Variants in QSER1 observed in about 807,000 individuals in gnomAD.
QSER1 encodes the protein glutamine and serine-rich protein 1.
In QSER1, 49 loss-of-function variants were observed where a neutral mutation model predicts 158.5. That is an observed-to-expected ratio of 0.31 (90% CI 0.25 to 0.39). The LOEUF is 0.39. QSER1 is among the 10% of genes least tolerant of loss of function. QSER1 has a pLI of 1.00. For missense variants in QSER1, 1,754 were observed against 2,010.3 expected, an observed-to-expected ratio of 0.87 and a Z score of 2.44; for synonymous variants, 650 against 715.5, an observed-to-expected ratio of 0.91 and a Z score of 1.46.
intron 1 of QSER1, among the ~76,000 whole-genome samples, chr11:32,904,295 C>T (rs766738781): frequency 2.8e-4 from 42 of 151,436 alleles, no homozygotes; most frequent in Non-Finnish European, 1.5e-4. Flanking sequence ...CAGGTTCAAG[C>T]GATTCTCCTG....
At chr11:32,905,904 A>G (rs939957927) in intron 1 of QSER1, among the ~76,000 whole-genome samples, 8 of 152,278 alleles carry the variant, frequency 5.3e-5, no homozygotes, top group Non-Finnish European at 1.2e-4. Context: ...AATTTAAAAG[A>G]TAGTAAACTT....
chr11:32,961,627 C>CT (rs1423830067), intron 8 of QSER1, among the ~76,000 whole-genome samples: 4 of 152,152 alleles, frequency 2.6e-5, no homozygotes, highest in African/African-American at 9.7e-5. Context: ...TACTTATTCT[C>CT]TTTTTTCTCT....
Position 32,933,851 on chromosome 11 carries a change from C to G in QSER1, c.2593C>G (p.Leu865Val). 6.2e-7 allele frequency: 1 copy of G among 1,613,412 alleles called. No individual in the cohort carries two copies. Among genetic ancestry groups the G allele is most frequent in the East Asian group, 2.2e-5 (1 of 44,872 alleles). The change falls in exon 4 of 13, where the codon CTT (leucine) becomes GTT (valine). Residue 865 changes from leucine to valine, a missense_variant. This residue lies in a region of QSER1 where 1,707 missense variants were observed against 1,919.6 expected (regional missense o/e 0.89). Transcript: ENST00000650167. ...LLDSACDLQI[L>V]QQSILQAGLG... ...AGATTCTGCCTGTGATTTACAAATT[C>G]TTCAGCAGTCAATACTGCAGGCAGG...
intron 1 of QSER1, among the ~76,000 whole-genome samples, chr11:32,914,470 C>A (rs1851808523): frequency 6.6e-6 from 1 of 152,106 alleles, no homozygotes; most frequent in South Asian, 2.1e-4. Flanking sequence ...AATTATTTAA[C>A]ACAAAAAGAA....
chr11:32,903,029 TA>T (rs1851645159), intron 1 of QSER1, among the ~76,000 whole-genome samples: 1 of 152,170 alleles, frequency 6.6e-6, no homozygotes, highest in South Asian at 2.1e-4. Flanking sequence ...GGTATAGGAT[TA>T]AATAGAATTG....
At position 32,957,850 on chromosome 11, in the gene QSER1, T is replaced by A; in HGVS notation, c.4752-19T>A. ...ACAAGATTTCAGTGTGTTAATGAAGTTTGTTTATAACATTGCAGAACTGTT... is the reference window on the plus strand; with the variant it reads ...ACAAGATTTCAGTGTGTTAATGAAGATTGTTTATAACATTGCAGAACTGTT... On this transcript the variant is annotated intron_variant, in intron 7 of 12. Transcript: ENST00000650167. 1 of 1,583,488 alleles carries A rather than the reference T, an allele frequency of 6.3e-7. No individual in the cohort carries two copies. The highest frequency in any genetic ancestry group is 8.6e-7 in the Non-Finnish European group (1 of 1,160,698).
At chr11:32,900,817 CAT>C (rs1163842014) in intron 1 of QSER1, among the ~76,000 whole-genome samples, 3 of 152,234 alleles carry the variant, frequency 2.0e-5, no homozygotes, top group Non-Finnish European at 4.4e-5. Context: ...TCTTTCCCCA[CAT>C]GTTACCTTCT....
chr11:32,905,121 A>G lies in QSER1; in HGVS notation c.209+11787A>G, dbSNP rs148902534. On this transcript the variant is annotated intron_variant, in intron 1 of 12. Transcript: ENST00000650167. ...GGATCCTGACCGTGTAGCTTGTCCTATGTTGCTAGGCATGTAGGCATTTAT... is the reference window on the plus strand; with the variant it reads ...GGATCCTGACCGTGTAGCTTGTCCTGTGTTGCTAGGCATGTAGGCATTTAT... Among the ~76,000 whole-genome samples the G allele has an allele frequency of 1.2e-4, 19 of 152,322 alleles. No individual in the cohort carries two copies. The East Asian group carries it at 3.3e-3, about 26-fold the overall frequency.
At chr11:32,924,918 T>C (rs900621292) in intron 1 of QSER1, among the ~76,000 whole-genome samples, 3 of 152,174 alleles carry the variant, frequency 2.0e-5, no homozygotes, top group African/African-American at 7.2e-5. Context: ...TTTCTATTAT[T>C]GCCATCTTTA....
rs1448641062 is a variant in QSER1, at chr11:32,926,338, G to A, written c.210-819G>A. On this transcript the variant is annotated intron_variant, in intron 1 of 12. Coordinates refer to ENST00000650167, the MANE Select transcript of QSER1 (RefSeq NM_001076786.3). ...CATGATTATTGAATTAATGCTAAATGTGTTTAAGTCTGATAATGATATCTG... is the reference window on the plus strand; with the variant it reads ...CATGATTATTGAATTAATGCTAAATATGTTTAAGTCTGATAATGATATCTG... Among the ~76,000 whole-genome samples, 9 of 152,146 alleles carry A rather than the reference G, an allele frequency of 5.9e-5. 1 individual carries two copies. Among genetic ancestry groups the A allele is most frequent in the Admixed American group, 4.6e-4 (7 of 15,270 alleles).
chr11:32,900,222 G>A (rs1168882185), intron 1 of QSER1, among the ~76,000 whole-genome samples: 1 of 152,152 alleles, frequency 6.6e-6, no homozygotes, highest in East Asian at 1.9e-4. Context: ...TATAGGTCAG[G>A]TAATGTCATT....
chr11:32,907,930 GTC>G (rs897584459), intron 1 of QSER1, among the ~76,000 whole-genome samples: 8 of 152,020 alleles, frequency 5.3e-5, no homozygotes, highest in Admixed American at 3.9e-4. Context: ...GGAGACCCTC[GTC>G]TCTACAAAAA....
At chr11:32,964,999 T>G in intron 8 of QSER1, among the ~76,000 whole-genome samples, 1 of 152,038 alleles carries the variant, frequency 6.6e-6, no homozygotes, top group East Asian at 1.9e-4. Flanking sequence ...TAGCTGGGAC[T>G]ACAGGTGTGC....
In QSER1 at chr11:32,953,994, A is replaced by C; in HGVS notation, c.4315A>C (p.Ser1439Arg). The change falls in exon 5 of 13, where the codon AGC becomes CGC. Residue 1439 changes from serine (S) to arginine (R), a missense_variant. Around this residue, in one of 2 missense-constraint regions of QSER1, gnomAD observed 1,707 missense variants for 1,919.6 expected, o/e 0.89. Transcript: ENST00000650167. Reference protein sequence around the residue: ...SYAVNILENISSSESSKPIEL... With the variant: ...SYAVNILENIRSSESSKPIEL... ...TGCAGTAAATATTCTGGAAAATATA[A>C]GCTCTTCAGAATCCTCAAAGCCCAT... 1 of 1,614,130 alleles carries C rather than the reference A, an allele frequency of 6.2e-7. No homozygotes were observed. Among genetic ancestry groups the C allele is most frequent in the Non-Finnish European group, 8.5e-7 (1 of 1,179,968 alleles).
At chr11:32,898,164 C>A (rs2133485428) in intron 1 of QSER1, among the ~76,000 whole-genome samples, 1 of 152,298 alleles carries the variant, frequency 6.6e-6, no homozygotes. Flanking sequence ...GCTACTCCTA[C>A]ATATTAGGGT....
At chr11:32,957,744 A>G in intron 7 of QSER1, 125 bp from the exon 8 acceptor site, 2 of 780,690 alleles carry the variant, frequency 2.6e-6, no homozygotes, top group Non-Finnish European at 4.1e-6. Flanking sequence ...CTTGGACTGT[A>G]TATTTTGAAG....
chr11:32,957,725 T>C, intron 7 of QSER1, 144 bp from the exon 8 acceptor site: 1 of 667,360 alleles, frequency 1.5e-6, no homozygotes, highest in East Asian at 2.7e-5. Context: ...CATTGAGATG[T>C]ATATAGGACT....
Position 32,976,409 on chromosome 11 carries a change from TG to T in QSER1, c.5533del (p.Val1845TrpfsTer12). The T allele has an allele frequency of 6.2e-7, 1 of 1,609,906 alleles. No homozygotes were observed. Among genetic ancestry groups the T allele is most frequent in the Non-Finnish European group, 8.5e-7 (1 of 1,178,738 alleles). ...TCAACTTTGTATGAAAAATGTAAAATGGGTGGAGGACCTCTTTGAAAAATTT... is the reference window on the plus strand; with the variant it reads ...TCAACTTTGTATGAAAAATGTAAAATGGTGGAGGACCTCTTTGAAAAATTT... ...IVQLCMKNVK[W>X]VEDLFEKFGE... On this transcript the variant is annotated frameshift_variant, in exon 13 of 13. Coordinates refer to ENST00000650167, the MANE Select transcript of QSER1 (RefSeq NM_001076786.3). LOFTEE classifies it high-confidence loss of function.
intron 1 of QSER1, among the ~76,000 whole-genome samples, chr11:32,897,718 T>C (rs982937272): frequency 3.3e-5 from 5 of 152,226 alleles, no homozygotes; most frequent in African/African-American, 1.2e-4. Flanking sequence ...TTGAGCAGAC[T>C]CTTCTCAGGA....
Sources: allele counts gnomAD v4.1 joint callset (sites outside exome capture counted in the v4.1 genomes callset), GRCh38; gene constraint gnomAD v4.1.1; regional missense constraint gnomAD v4.1.1; transcripts MANE v1.5; gene names NCBI Gene and HGNC (gene_info 2026-07-23, HGNC 2026-07-21).